Variants in ESRP1 observed in about 807,000 individuals in gnomAD.
ESRP1 encodes epithelial splicing regulatory protein 1, also known as RNA-binding motif protein 35A.
Under a neutral mutation model 81.7 loss-of-function variants are expected in ESRP1, and 33 were observed. The ratio of observed to expected loss-of-function variants is 0.40; its 90% CI spans 0.31 to 0.54. ESRP1 has a LOEUF of 0.54. Ranked by LOEUF, ESRP1 falls within the 20% of genes least tolerant of loss-of-function variation. The probability of loss-of-function intolerance (pLI) is 0.41; values close to 1 mark genes in which losing one functional copy is unlikely to be tolerated. For synonymous variants in ESRP1, 320 were observed against 303.3 expected (o/e 1.06, Z -0.57); for missense variants, 672 against 833.1 (o/e 0.81, Z 2.38).
chr8:94,686,023 C>T (rs1322081562), intron 13 of ESRP1, among the ~76,000 whole-genome samples: 1 of 152,190 alleles, frequency 6.6e-6, no homozygotes, highest in Non-Finnish European at 1.5e-5. Context: ...TCTCGGCTCA[C>T]TGCAACCTCT....
At chr8:94,685,612 GC>G (rs1380790359) in intron 13 of ESRP1, among the ~76,000 whole-genome samples, 1 of 151,992 alleles carries the variant, frequency 6.6e-6, no homozygotes, top group Non-Finnish European at 1.5e-5. Context: ...GACCATCCTG[GC>G]CAACGTGGCA....
Position 94,655,144 on chromosome 8 carries a change from C to T in ESRP1, c.491-7128C>T, listed in dbSNP as rs1326027272. Among the ~76,000 whole-genome samples the T allele has an allele frequency of 2.5e-4, 37 of 150,850 alleles. 1 individual carries two copies. Among genetic ancestry groups the T allele is most frequent in the Admixed American group, 2.5e-3 (37 of 15,102 alleles). On this transcript the variant is annotated intron_variant, in intron 4 of 15. Coordinates refer to ENST00000433389, the MANE Select transcript of ESRP1 (RefSeq NM_017697.4). ...ACGGCGTCTCACCCAGGCTGGGGTG[C>T]AGTGGTGCGATCTCAGCTCATTGTG... is the stretch of plus-strand genomic sequence containing the variant.
intron 9 of ESRP1, among the ~76,000 whole-genome samples, chr8:94,667,068 GGT>G (rs1163646804): frequency 2.6e-4 from 37 of 144,230 alleles, no homozygotes; most frequent in Non-Finnish European, 3.9e-4. Context: ...CCAGGAGAGG[GGT>G]GTGTGTGTGT....
At chr8:94,643,028 TTAAGTCTTGAA>T (rs1160845406) in intron 2 of ESRP1, among the ~76,000 whole-genome samples, 38 of 152,328 alleles carry the variant, frequency 2.5e-4, no homozygotes, top group African/African-American at 8.7e-4. Context: ...GACATCTGAC[TTAAGTCTTGAA>T]TGAATTTTTT....
At chr8:94,647,461 G>T (rs542553022) in intron 4 of ESRP1, among the ~76,000 whole-genome samples, 9 of 152,198 alleles carry the variant, frequency 5.9e-5, no homozygotes, top group Non-Finnish European at 8.8e-5. Flanking sequence ...AGTTCTGGAG[G>T]CTGGGATGTC....
chr8:94,665,514 CAG>C (rs1818974227), intron 9 of ESRP1, among the ~76,000 whole-genome samples: 1 of 152,096 alleles, frequency 6.6e-6, no homozygotes, highest in African/African-American at 2.4e-5. Context: ...TTTTTGGAGA[CAG>C]AGTTTCGCTC....
At chr8:94,655,060 G>GTTTTTTT (rs139506660) in intron 4 of ESRP1, among the ~76,000 whole-genome samples, 82 of 146,712 alleles carry the variant, frequency 5.6e-4, no homozygotes, top group Middle Eastern at 3.4e-3. Context: ...GGTTTTTTGG[G>GTTTTTTT]TTTTTTGTGT....
intron 15 of ESRP1, among the ~76,000 whole-genome samples, chr8:94,704,922 A>C (rs1290359722): frequency 6.6e-6 from 1 of 152,058 alleles, no homozygotes; most frequent in Non-Finnish European, 1.5e-5. Context: ...GTATATAAGT[A>C]AAATAACATA....
chr8:94,699,003 C>T (rs914755775), intron 15 of ESRP1, among the ~76,000 whole-genome samples: 2 of 152,122 alleles, frequency 1.3e-5, no homozygotes, highest in African/African-American at 2.4e-5. Flanking sequence ...GTGGTGAGAA[C>T]ACATTGTTCT....
intron 13 of ESRP1, among the ~76,000 whole-genome samples, chr8:94,681,632 G>A (rs1441260278): frequency 2.0e-5 from 3 of 151,300 alleles, no homozygotes; most frequent in South Asian, 2.1e-4. Context: ...GCGAGACTCC[G>A]TCTCAAAAAA....
chr8:94,681,169 A>G (rs1808861318), intron 13 of ESRP1, among the ~76,000 whole-genome samples: 1 of 151,654 alleles, frequency 6.6e-6, no homozygotes, highest in African/African-American at 2.4e-5. Context: ...ACTAAAAAAT[A>G]CAAAAAATTA....
rs140279386 is a variant in ESRP1 at position 94,680,568 on chromosome 8, C to T, written c.1820+2197C>T. On this transcript the variant is annotated intron_variant, in intron 13 of 15. Transcript: ENST00000433389. Reference sequence around the variant, plus strand: ...TCAGCCTCCTGAGTAGCTGGCATTACAGGCATGTGCCACCATGCCCGGCTA... The same window carrying T: ...TCAGCCTCCTGAGTAGCTGGCATTATAGGCATGTGCCACCATGCCCGGCTA... Among the ~76,000 whole-genome samples, 941 of 152,164 alleles carry T rather than the reference C, an allele frequency of 6.2e-3. 10 individuals carry two copies. The highest frequency in any genetic ancestry group is 0.021 in the African/African-American group (879 of 41,504).
intron 6 of ESRP1, 89 bp downstream of exon 6, chr8:94,662,644 G>A: frequency 6.0e-6 from 7 of 1,172,126 alleles, no homozygotes; most frequent in Non-Finnish European, 8.3e-6. Context: ...GTCTTGCTCT[G>A]TCGCCCAGGC....
At chr8:94,648,301 G>A (rs193011681) in intron 4 of ESRP1, among the ~76,000 whole-genome samples, 3 of 152,230 alleles carry the variant, frequency 2.0e-5, no homozygotes, top group East Asian at 3.9e-4. Flanking sequence ...ATTTAATATC[G>A]TACTTGTACA....
intron 13 of ESRP1, among the ~76,000 whole-genome samples, chr8:94,690,026 G>T (rs898948289): frequency 6.6e-6 from 1 of 151,582 alleles, no homozygotes; most frequent in African/African-American, 2.4e-5. Flanking sequence ...CACCGTGTTA[G>T]CCAGGATGGT....
In ESRP1 at chr8:94,671,690, G is replaced by A; in HGVS notation, c.1452+19G>A. ...TCACCAGGTAAGAAAGATACTTAGT[G>A]GAAAACTTATTTGCTTTTTCTCACT... On this transcript the variant is annotated intron_variant, in intron 11 of 15. Coordinates refer to ENST00000433389, the MANE Select transcript of ESRP1 (RefSeq NM_017697.4). The A allele has an allele frequency of 1.9e-6, 3 of 1,597,902 alleles. No homozygotes were observed. Among genetic ancestry groups the A allele is most frequent in the Admixed American group, 1.7e-5 (1 of 58,834 alleles).
At chr8:94,697,726 G>A (rs916055316) in intron 15 of ESRP1, among the ~76,000 whole-genome samples, 5 of 152,094 alleles carry the variant, frequency 3.3e-5, no homozygotes, top group Non-Finnish European at 7.4e-5. Flanking sequence ...TAATCACTGA[G>A]TCATGTAGTG....
chr8:94,668,130 G>A lies in ESRP1; in HGVS notation c.1113G>A (p.Gly371=), dbSNP rs930288824. 15 of 1,613,988 alleles carry A rather than the reference G, an allele frequency of 9.3e-6. No homozygotes were observed. The highest frequency in any genetic ancestry group is 2.7e-5 in the African/African-American group (2 of 75,032). Residue 371 remains glycine (G), a synonymous_variant, in exon 10 of 16, where the codon GGG becomes GGA. Coordinates refer to ENST00000433389, the MANE Select transcript of ESRP1 (RefSeq NM_017697.4). The stretch of plus-strand genomic sequence containing the variant: ...CCTACCCAGATGGTAGGCCAACAGG[G>A]GACGCTTTTGTCCTCTTTGCCTGTG... The part of the protein sequence containing the change: ...FVTYPDGRPT[G]DAFVLFACEE...
At chr8:94,670,732 TC>T (rs913475156) in intron 10 of ESRP1, among the ~76,000 whole-genome samples, 84 of 152,344 alleles carry the variant, frequency 5.5e-4, no homozygotes, top group Admixed American at 1.4e-3. Flanking sequence ...GCCTAACCTA[TC>T]ATCATCCATT....
Sources: gnomAD v4.1 joint callset for allele counts (sites outside exome capture counted in the v4.1 genomes callset) on GRCh38, gnomAD v4.1.1 for gene constraint, MANE v1.5 for transcripts, NCBI Gene and HGNC (gene_info 2026-07-23, HGNC 2026-07-21) for gene names.